SYN3: variants seen among roughly 807,000 people sequenced by gnomAD.
The protein encoded by SYN3 is synapsin-3.
SYN3 carries 35 observed loss-of-function variants against 65.8 expected under a neutral mutation model. The ratio of observed to expected loss-of-function variants is 0.53; its 90% CI spans 0.41 to 0.70. The LOEUF is 0.70. Ranked by LOEUF, SYN3 falls within the 30% of genes least tolerant of loss-of-function variation. The pLI is 0.00. For missense variants in SYN3, 680 were observed against 749.0 expected (o/e 0.91, Z 1.08); for synonymous variants, 270 against 292.9 (o/e 0.92, Z 0.80).
intron 6 of SYN3, among the ~76,000 whole-genome samples, chr22:32,604,999 CCA>C (rs1425556996): frequency 2.1e-4 from 29 of 136,476 alleles, no homozygotes; most frequent in Non-Finnish European, 1.8e-4. Context: ...GAGCGAGACT[CCA>C]TCTCAGAAAA....
At position 32,586,065 on chromosome 22, in the gene SYN3, TATGTATACATGTATAC is replaced by T. The variant is rs1218977119; in HGVS notation, c.774+10593_774+10608del. Among the ~76,000 whole-genome samples the T allele has an allele frequency of 7.7e-3, 1,045 of 135,002 alleles. 14 individuals carry two copies. Among genetic ancestry groups the T allele is most frequent in the African/African-American group, 0.026 (963 of 36,876 alleles). 88.6% of individuals were successfully genotyped at this position (135,002 alleles called of 152,430 possible). On this transcript the variant is annotated intron_variant, in intron 7 of 13. Coordinates refer to ENST00000358763, the MANE Select transcript of SYN3 (RefSeq NM_003490.4). The stretch of plus-strand genomic sequence containing the variant: ...ATATGTATATATGTGTATATGTATA[TATGTATACATGTATAC>T]ATGTATATATGTATATATGTATACA...
intron 6 of SYN3, among the ~76,000 whole-genome samples, chr22:32,763,593 T>A (rs1425910393): frequency 6.6e-6 from 1 of 152,216 alleles, no homozygotes; most frequent in Non-Finnish European, 1.5e-5. Flanking sequence ...AGGACTCAAA[T>A]CCAGACAGTC....
rs556533270 is a variant in SYN3 at position 32,595,814 on chromosome 22, C to T, written c.774+860G>A. 9.2e-5 allele frequency among the ~76,000 whole-genome samples: 14 copies of T among 152,326 alleles called. No individual in the cohort carries two copies. The South Asian group carries it at 2.3e-3, about 25-fold the overall frequency. ...CACTTTGGCCAGGTGTGGTGGCTCA[C>T]GCCTATAATCCCAACACTGTGGGAG... On this transcript the variant is annotated intron_variant, in intron 7 of 13. Coordinates refer to ENST00000358763, the MANE Select transcript of SYN3 (RefSeq NM_003490.4).
chr22:32,769,909 AAT>A (rs1356440774), intron 6 of SYN3, among the ~76,000 whole-genome samples: 2 of 152,120 alleles, frequency 1.3e-5, no homozygotes, highest in East Asian at 3.9e-4. Context: ...CTCATGACTA[AAT>A]ATCATCCATG....
chr22:33,006,456 C>T lies in SYN3; in HGVS notation c.207G>A (p.Gln69=). 6.2e-7 allele frequency: 1 copy of T among 1,614,172 alleles called. No individual in the cohort carries two copies. Among genetic ancestry groups the T allele is most frequent in the African/African-American group, 1.3e-5 (1 of 75,040 alleles). ...TCAGTCCTGAGGTGGCCTGAGGGGC[C>T]TGCTTCATGGCACTGGAGAGGGAGC... ...LFSSLSSAMK[Q]APQATSGLME... The change falls in exon 2 of 14, where the codon CAG becomes CAA. Residue 69 remains glutamine, a synonymous_variant. Transcript: ENST00000358763.
At chr22:32,874,352 C>A (rs2048928532) in intron 4 of SYN3, among the ~76,000 whole-genome samples, 1 of 152,124 alleles carries the variant, frequency 6.6e-6, no homozygotes, top group South Asian at 2.1e-4. Context: ...AATATTTGGG[C>A]TCCTGATCCC....
intron 9 of SYN3, among the ~76,000 whole-genome samples, chr22:32,536,800 C>T (rs1170372035): frequency 1.3e-5 from 2 of 152,166 alleles, no homozygotes; most frequent in South Asian, 2.1e-4. Context: ...AGAAGCTGAA[C>T]TTGGGTGGGC....
chr22:32,555,912 C>T (rs1222629365), intron 7 of SYN3, among the ~76,000 whole-genome samples: 3 of 152,128 alleles, frequency 2.0e-5, no homozygotes, highest in African/African-American at 4.8e-5. Context: ...CCTGCATGTC[C>T]CAGACTCTCA....
At position 32,588,323 on chromosome 22, in the gene SYN3, G is replaced by A. The variant is rs75261140; in HGVS notation, c.774+8351C>T. Among the ~76,000 whole-genome samples, 651 of 152,262 alleles carry A rather than the reference G, an allele frequency of 4.3e-3. 5 individuals are homozygous for A. The highest frequency in any genetic ancestry group is 0.042 in the East Asian group (217 of 5,150). ...AGGTGCTGGGAGTCAAGCCCTGAGA[G>A]CCTGAATCTATGAAATAAGGATAAG... On this transcript the variant is annotated intron_variant, in intron 7 of 13. Transcript: ENST00000358763.
chr22:32,778,951 GC>G (rs1236915707), intron 6 of SYN3, among the ~76,000 whole-genome samples: 3 of 152,088 alleles, frequency 2.0e-5, no homozygotes, highest in Non-Finnish European at 2.9e-5. Context: ...TATTTATTGA[GC>G]ACCTCTTACG....
chr22:32,845,393 TG>T (rs1436170197), intron 6 of SYN3, among the ~76,000 whole-genome samples: 2 of 152,080 alleles, frequency 1.3e-5, no homozygotes, highest in African/African-American at 2.4e-5. Flanking sequence ...GGTTTCACCA[TG>T]CTGGCCAGGA....
intron 3 of SYN3, among the ~76,000 whole-genome samples, chr22:32,979,153 A>C (rs12169902): frequency 0.05 from 7,474 of 149,362 alleles, 190 homozygotes; most frequent in East Asian, 0.074. Flanking sequence ...ACTCCATTGC[A>C]CTCCAGCCTG....
chr22:32,747,329 T>G (rs60485467), intron 6 of SYN3, among the ~76,000 whole-genome samples: 1 of 23,406 alleles, frequency 4.3e-5, no homozygotes, highest in African/African-American at 2.1e-4. Flanking sequence ...ACAAAACAAA[T>G]CAAAACAAAA....
chr22:32,827,706 C>A (rs143297311), intron 6 of SYN3, among the ~76,000 whole-genome samples: 1 of 152,342 alleles, frequency 6.6e-6, no homozygotes, highest in African/African-American at 2.4e-5. Flanking sequence ...CCTCCAGTGG[C>A]TTCTTAATTC....
rs148205985 is a variant in SYN3 at position 32,715,506 on chromosome 22, C to T, written c.712-118770G>A. On this transcript the variant is annotated intron_variant, in intron 6 of 13. Coordinates refer to ENST00000358763, the MANE Select transcript of SYN3 (RefSeq NM_003490.4). ...TTTTAAAAAGTGAAAGATGGCTGGGCGCGGTGGCTCACGCCTGTAATCCCA... is the reference window on the plus strand; with the variant it reads ...TTTTAAAAAGTGAAAGATGGCTGGGTGCGGTGGCTCACGCCTGTAATCCCA... Among the ~76,000 whole-genome samples the T allele has an allele frequency of 6.9e-4, 105 of 152,216 alleles. No homozygotes were observed. The East Asian group carries it at 0.015, about 21-fold the overall frequency.
At chr22:32,914,401 T>C (rs1045496512) in intron 4 of SYN3, among the ~76,000 whole-genome samples, 1 of 151,990 alleles carries the variant, frequency 6.6e-6, no homozygotes, top group Non-Finnish European at 1.5e-5. Flanking sequence ...TTTCCCCATC[T>C]GTAATATGGG....
intron 6 of SYN3, among the ~76,000 whole-genome samples, chr22:32,669,296 G>T (rs1255412410): frequency 1.3e-5 from 2 of 152,150 alleles, no homozygotes; most frequent in African/African-American, 4.8e-5. Context: ...GAGCTTTCTA[G>T]CTTGTCATTC....
chr22:33,031,005 A>G (rs955187600), intron 1 of SYN3, among the ~76,000 whole-genome samples: 15 of 151,364 alleles, frequency 9.9e-5, no homozygotes, highest in Non-Finnish European at 1.8e-4. Context: ...ATAGAGAAAC[A>G]GATAGAGACA....
chr22:32,844,716 T>A (rs2048012465), intron 6 of SYN3, among the ~76,000 whole-genome samples: 1 of 151,812 alleles, frequency 6.6e-6, no homozygotes, highest in Admixed American at 6.6e-5. Flanking sequence ...TTCTTCCTTT[T>A]TTTTTTTTGC....
Sources: gnomAD v4.1 joint callset for allele counts (sites outside exome capture counted in the v4.1 genomes callset) on GRCh38, gnomAD v4.1.1 for gene constraint, MANE v1.5 for transcripts, NCBI Gene and HGNC (gene_info 2026-07-23, HGNC 2026-07-21) for gene names.